The following TSPAN13 variants were observed in gnomAD, a reference collection of about 807,000 sequenced individuals.
The protein encoded by TSPAN13 is tetraspanin 13.
TSPAN13 carries 18 observed loss-of-function variants against 26.9 expected under a neutral mutation model. The observed-to-expected ratio is 0.67, with a 90% CI of 0.46 to 0.99. The LOEUF is 0.99. Ranked by LOEUF, TSPAN13 falls within the 50% of genes least tolerant of loss-of-function variation. The pLI is 0.00. For missense variants in TSPAN13, 201 were observed against 249.6 expected, an observed-to-expected ratio of 0.81 and a Z score of 1.31; for synonymous variants, 116 against 98.4, an observed-to-expected ratio of 1.18 and a Z score of -1.06.
chr7:16,759,299 A>G (rs1196210094), intron 1 of TSPAN13, among the ~76,000 whole-genome samples: 1 of 152,188 alleles, frequency 6.6e-6, no homozygotes, highest in Non-Finnish European at 1.5e-5. Context: ...TAGTGCTGGC[A>G]TCTACTTCTG....
intron 5 of TSPAN13, among the ~76,000 whole-genome samples, chr7:16,781,900 C>T (rs1006077763): frequency 6.6e-6 from 1 of 152,114 alleles, no homozygotes; most frequent in African/African-American, 2.4e-5. Flanking sequence ...GCTAGTGTGG[C>T]TGAGAACAGC....
chr7:16,753,935 T>C lies in TSPAN13; in HGVS notation c.-33T>C. ...AGGGAACCTCCGCCGGAGTCGAATT[T>C]ACGTGCAGCTGCCGGCAACCACAGG... On this transcript the variant is annotated 5_prime_UTR_variant, in exon 1 of 6. Coordinates refer to ENST00000262067, the MANE Select transcript of TSPAN13 (RefSeq NM_014399.4). The C allele has an allele frequency of 6.2e-7, 1 of 1,606,914 alleles. No individual in the cohort carries two copies. Among genetic ancestry groups the C allele is most frequent in the South Asian group, 1.1e-5 (1 of 89,558 alleles).
intron 1 of TSPAN13, among the ~76,000 whole-genome samples, chr7:16,755,503 T>G (rs1784472416): frequency 6.6e-6 from 1 of 151,594 alleles, no homozygotes; most frequent in African/African-American, 2.4e-5. Context: ...CTTATCACCC[T>G]GGCTGTTTAT....
intron 1 of TSPAN13, among the ~76,000 whole-genome samples, chr7:16,769,560 C>T (rs1219383711): frequency 2.0e-5 from 3 of 151,992 alleles, no homozygotes; most frequent in African/African-American, 7.3e-5. Context: ...CAAATTATAT[C>T]CTAAAAAGTA....
intron 1 of TSPAN13, among the ~76,000 whole-genome samples, chr7:16,769,449 T>C (rs1249748949): frequency 6.6e-6 from 1 of 152,206 alleles, no homozygotes; most frequent in Non-Finnish European, 1.5e-5. Flanking sequence ...TTAGGTCTTC[T>C]TTCATGTTCT....
chr7:16,754,567 C>A (rs979524275), intron 1 of TSPAN13, among the ~76,000 whole-genome samples: 1 of 152,204 alleles, frequency 6.6e-6, no homozygotes, highest in Non-Finnish European at 1.5e-5. Context: ...TCCGCTGCTT[C>A]CGAAGTTTGT....
Position 16,782,100 on chromosome 7 carries a change from T to C in TSPAN13, c.541-1317T>C, listed in dbSNP as rs141931968. On this transcript the variant is annotated intron_variant, in intron 5 of 5. Transcript: ENST00000262067. The stretch of plus-strand genomic sequence containing the variant: ...TTTGTGAAAGCTATTGGGGGGATTA[T>C]ATGAATTTGTAGTTTGTAGAATGGT... Among the ~76,000 whole-genome samples the C allele has an allele frequency of 2.6e-4, 40 of 152,346 alleles. 2 individuals carry two copies. In the East Asian group the frequency reaches 7.7e-3, roughly 29 times the overall value.
chr7:16,775,054 A>G (rs903163374), intron 1 of TSPAN13, among the ~76,000 whole-genome samples: 1 of 152,172 alleles, frequency 6.6e-6, no homozygotes, highest in African/African-American at 2.4e-5. Context: ...TTCTAAGCAA[A>G]GTTTATCAGG....
At chr7:16,763,670 C>T (rs1296144295) in intron 1 of TSPAN13, among the ~76,000 whole-genome samples, 1 of 152,122 alleles carries the variant, frequency 6.6e-6, no homozygotes, top group Non-Finnish European at 1.5e-5. Flanking sequence ...CGCTTATTGA[C>T]CCTGTTGGCT....
chr7:16,781,460 A>G (rs1379600872), intron 5 of TSPAN13, among the ~76,000 whole-genome samples: 2 of 152,206 alleles, frequency 1.3e-5, no homozygotes, highest in African/African-American at 4.8e-5. Context: ...CCTCTTAATC[A>G]TGAGCACTTT....
chr7:16,782,665 C>T (rs1480072143), intron 5 of TSPAN13, among the ~76,000 whole-genome samples: 1 of 152,160 alleles, frequency 6.6e-6, no homozygotes, highest in Non-Finnish European at 1.5e-5. Context: ...GGAATTATAA[C>T]ATTTTAAATT....
chr7:16,762,039 G>A (rs1275732748), intron 1 of TSPAN13, among the ~76,000 whole-genome samples: 1 of 151,818 alleles, frequency 6.6e-6, no homozygotes, highest in Non-Finnish European at 1.5e-5. Context: ...CATCCTCAAA[G>A]CAATTCACTT....
chr7:16,783,741 C>T lies in TSPAN13; in HGVS notation c.*250C>T. The T allele has an allele frequency of 2.0e-6, 1 of 506,096 alleles. No individual in the cohort carries two copies. Among genetic ancestry groups the T allele is most frequent in the Non-Finnish European group, 3.5e-6 (1 of 281,968 alleles). The allele number at this position is 506,096 out of a possible 1,614,324, so 31.4% of individuals were successfully genotyped here. Reference sequence around the variant, plus strand: ...AATTTACTGTATTCATTGTCGGGCACTGTCCACTGTGGCCTTTCTTAGCAT... The same window carrying T: ...AATTTACTGTATTCATTGTCGGGCATTGTCCACTGTGGCCTTTCTTAGCAT... On this transcript the variant is annotated 3_prime_UTR_variant, in exon 6 of 6. Transcript: ENST00000262067.
intron 1 of TSPAN13, among the ~76,000 whole-genome samples, chr7:16,767,660 A>T (rs1214576598): frequency 2.0e-5 from 3 of 152,102 alleles, no homozygotes; most frequent in Admixed American, 2.0e-4. Flanking sequence ...TTATATTCCT[A>T]CTTGTACACA....
At chr7:16,768,004 C>T (rs979731804) in intron 1 of TSPAN13, among the ~76,000 whole-genome samples, 5 of 152,172 alleles carry the variant, frequency 3.3e-5, no homozygotes, top group African/African-American at 1.2e-4. Flanking sequence ...CCTCCTCCTC[C>T]CAGGTTCAAG....
At chr7:16,771,009 T>C (rs1336740315) in intron 1 of TSPAN13, among the ~76,000 whole-genome samples, 4 of 152,192 alleles carry the variant, frequency 2.6e-5, no homozygotes, top group African/African-American at 7.2e-5. Flanking sequence ...AAATACAGCT[T>C]TTTGGAGATC....
At chr7:16,765,149 C>T (rs556875803) in intron 1 of TSPAN13, among the ~76,000 whole-genome samples, 1 of 152,270 alleles carries the variant, frequency 6.6e-6, no homozygotes, top group South Asian at 2.1e-4. Context: ...GTTGCCCAGG[C>T]TGGAGTGCAG....
At chr7:16,774,394 A>G (rs1296209995) in intron 1 of TSPAN13, among the ~76,000 whole-genome samples, 1 of 152,200 alleles carries the variant, frequency 6.6e-6, no homozygotes, top group Non-Finnish European at 1.5e-5. Context: ...TGATGCAGCA[A>G]GGATGCTAAG....
rs186192225 is a variant in TSPAN13 at position 16,771,169 on chromosome 7, C to T, written c.64-5042C>T. ...GCTGTATGCTTACAGTTCTAGCTTT[C>T]GATTCTCCTTTCATTTCTGACCTGT... is the stretch of plus-strand genomic sequence containing the variant. On this transcript the variant is annotated intron_variant, in intron 1 of 5. Transcript: ENST00000262067. 3.9e-5 allele frequency among the ~76,000 whole-genome samples: 6 copies of T among 152,300 alleles called. No individual in the cohort carries two copies. The East Asian group carries it at 5.8e-4, about 15-fold the overall frequency.
Sources: gnomAD v4.1 joint callset for allele counts (sites outside exome capture counted in the v4.1 genomes callset) on GRCh38, gnomAD v4.1.1 for gene constraint, MANE v1.5 for transcripts, NCBI Gene and HGNC (gene_info 2026-07-23, HGNC 2026-07-21) for gene names.